Variants in AR observed in about 807,000 individuals in gnomAD.
AR encodes the protein dihydrotestosterone receptor.
AR carries 8 observed loss-of-function variants against 53.9 expected under a neutral mutation model. The ratio of observed to expected loss-of-function variants is 0.15; its 90% CI spans 0.09 to 0.27. The LOEUF is 0.27. AR is among the 10% of genes least tolerant of loss of function. The probability of loss-of-function intolerance (pLI) is 1.00; values close to 1 mark genes in which losing one functional copy is unlikely to be tolerated. For synonymous variants in AR, 359 were observed against 316.4 expected (o/e 1.13, Z -1.43); for missense variants, 639 against 742.5 (o/e 0.86, Z 1.62).
At chrX:67,586,586 G>A in intron 1 of AR, among the ~76,000 whole-genome samples, 1 of 112,426 alleles carries the variant, frequency 8.9e-6, no homozygotes. Context: ...ATGTTTGAAG[G>A]TTGAGTGAAT....
At chrX:67,657,986 T>C (rs890646014) in intron 2 of AR, among the ~76,000 whole-genome samples, 1 of 111,950 alleles carries the variant, frequency 8.9e-6, no homozygotes, top group African/African-American at 3.2e-5. Flanking sequence ...GACTTAAGAA[T>C]TTATGAAAGG....
intron 3 of AR, among the ~76,000 whole-genome samples, chrX:67,688,732 A>T (rs2075980259): frequency 8.9e-6 from 1 of 111,790 alleles, no homozygotes; most frequent in African/African-American, 3.3e-5. Flanking sequence ...CTGCTTGAAG[A>T]GCAAATCTTT....
intron 3 of AR, among the ~76,000 whole-genome samples, chrX:67,706,383 T>C (rs1461409470): frequency 8.9e-6 from 1 of 112,013 alleles, no homozygotes; most frequent in Non-Finnish European, 1.9e-5. Flanking sequence ...TGGGAGGGTG[T>C]ATGTGTCGAG....
At chrX:67,674,115 A>G (rs1273355229) in intron 2 of AR, among the ~76,000 whole-genome samples, 1 of 109,995 alleles carries the variant, frequency 9.1e-6, no homozygotes, top group East Asian at 2.9e-4. Flanking sequence ...ATTACCAAGC[A>G]GAGACTCTTG....
In AR at chrX:67,545,218, G is replaced by A. The variant is rs199644815; in HGVS notation, c.72G>A (p.Gln24=). 2.3e-4 allele frequency: 277 copies of A among 1,207,111 alleles called. No homozygotes were observed. Among genetic ancestry groups the A allele is most frequent in the Non-Finnish European group, 3.0e-4 (270 of 894,517 alleles). The part of the protein sequence containing the change: ...PPSKTYRGAF[Q]NLFQSVREVI... ...CCAAGACCTACCGAGGAGCTTTCCA[G>A]AATCTGTTCCAGAGCGTGCGCGAAG... The change falls in exon 1 of 8, where the codon CAG becomes CAA. Residue 24 remains glutamine, a synonymous_variant. Transcript: ENST00000374690.
chrX:67,707,768 C>T (rs1055172010), intron 3 of AR, among the ~76,000 whole-genome samples: 1 of 112,071 alleles, frequency 8.9e-6, no homozygotes, highest in African/African-American at 3.2e-5. Flanking sequence ...CATGTTTTTG[C>T]AGTGGCTGGT....
intron 1 of AR, among the ~76,000 whole-genome samples, chrX:67,604,794 A>G (rs1923553640): frequency 8.9e-6 from 1 of 112,077 alleles, no homozygotes; most frequent in African/African-American, 3.2e-5. Flanking sequence ...GTGCCAGAGT[A>G]TCAAATAATT....
At chrX:67,664,655 A>AC (rs1250991859) in intron 2 of AR, among the ~76,000 whole-genome samples, 2 of 112,064 alleles carry the variant, frequency 1.8e-5, no homozygotes, top group Non-Finnish European at 3.8e-5. Flanking sequence ...TCAGACAGGG[A>AC]CATTTAAGTC....
intron 3 of AR, among the ~76,000 whole-genome samples, chrX:67,702,956 T>C (rs1452433269): frequency 1.8e-5 from 2 of 111,375 alleles, no homozygotes; most frequent in African/African-American, 6.5e-5. Flanking sequence ...TGTACAACTC[T>C]GGTCCCAGCT....
intron 1 of AR, among the ~76,000 whole-genome samples, chrX:67,627,332 G>A (rs761447272): frequency 3.0e-4 from 34 of 111,995 alleles, no homozygotes; most frequent in South Asian, 7.5e-4. Flanking sequence ...TCTAACTGGC[G>A]TGAGATGATA....
intron 3 of AR, among the ~76,000 whole-genome samples, chrX:67,694,441 A>G (rs1472036985): frequency 9.1e-6 from 1 of 110,317 alleles, no homozygotes; most frequent in African/African-American, 3.3e-5. Context: ...TAAAGCAGAA[A>G]AGAAGAAAAA....
intron 1 of AR, among the ~76,000 whole-genome samples, chrX:67,616,678 G>T (rs1924134711): frequency 9.0e-6 from 1 of 111,257 alleles, no homozygotes; most frequent in South Asian, 3.8e-4. Flanking sequence ...CCATTTTCCT[G>T]CAAGCTGTGT....
chrX:67,574,786 G>A (rs999788456), intron 1 of AR, among the ~76,000 whole-genome samples: 1 of 111,567 alleles, frequency 9.0e-6, no homozygotes, highest in African/African-American at 3.3e-5. Context: ...TTTCATAGAG[G>A]TGTGGCAACT....
In AR at chrX:67,658,658, T is replaced by A. The variant is rs182213150; in HGVS notation, c.1768+15251T>A. Among the ~76,000 whole-genome samples the A allele has an allele frequency of 5.4e-5, 6 of 111,583 alleles. No individual in the cohort carries two copies. In the East Asian group the frequency reaches 1.4e-3, roughly 27 times the overall value. On this transcript the variant is annotated intron_variant, in intron 2 of 7. Coordinates refer to ENST00000374690, the MANE Select transcript of AR (RefSeq NM_000044.6). ...TGAAACTAGGGAGAGATGTGTGAGTTCTGGGCAACCAGTAGTTGGCTTTAC... is the reference window on the plus strand; with the variant it reads ...TGAAACTAGGGAGAGATGTGTGAGTACTGGGCAACCAGTAGTTGGCTTTAC...
At chrX:67,608,661 GA>G (rs779270466) in intron 1 of AR, among the ~76,000 whole-genome samples, 84 of 111,837 alleles carry the variant, frequency 7.5e-4, no homozygotes, top group Non-Finnish European at 1.4e-3. Context: ...ATTTAAAATC[GA>G]AATAATATAA....
intron 3 of AR, among the ~76,000 whole-genome samples, chrX:67,690,693 A>G (rs764965239): frequency 8.0e-4 from 90 of 112,192 alleles, no homozygotes; most frequent in African/African-American, 2.7e-3. Flanking sequence ...GGGGAAGCAG[A>G]ACTGAATAAG....
chrX:67,713,382 T>C (rs1203632016), intron 4 of AR, among the ~76,000 whole-genome samples: 5 of 111,069 alleles, frequency 4.5e-5, no homozygotes, highest in Non-Finnish European at 9.4e-5. Context: ...AGGAAAAATA[T>C]AAAAAAGAAA....
chrX:67,610,559 T>C (rs1354661777), intron 1 of AR, among the ~76,000 whole-genome samples: 1 of 111,242 alleles, frequency 9.0e-6, no homozygotes, highest in Non-Finnish European at 1.9e-5. Context: ...ATATATATTG[T>C]TAGATATATG....
intron 2 of AR, among the ~76,000 whole-genome samples, chrX:67,646,967 A>C (rs1191362707): frequency 1.8e-5 from 2 of 111,020 alleles, no homozygotes; most frequent in African/African-American, 6.6e-5. Flanking sequence ...GAGTGAGTTA[A>C]AACTCAGGAC....
Sources: gnomAD v4.1 joint callset for allele counts (sites outside exome capture counted in the v4.1 genomes callset) on GRCh38, gnomAD v4.1.1 for gene constraint, MANE v1.5 for transcripts, NCBI Gene and HGNC (gene_info 2026-07-23, HGNC 2026-07-21) for gene names.